Variants in ANO1 observed in about 807,000 individuals in gnomAD.
The protein encoded by ANO1 is anoctamin-1.
Under a neutral mutation model 124.0 loss-of-function variants are expected in ANO1, and 59 were observed. That is an observed-to-expected ratio of 0.48 (90% CI 0.39 to 0.59). The LOEUF is 0.59. ANO1 is among the 20% of genes least tolerant of loss of function. The pLI, the probability that ANO1 is intolerant of heterozygous loss-of-function variation, is 0.00. For missense variants in ANO1, 1,059 were observed against 1,328.0 expected, an observed-to-expected ratio of 0.80 and a Z score of 3.15; for synonymous variants, 529 against 532.0, an observed-to-expected ratio of 0.99 and a Z score of 0.08.
intron 1 of ANO1, among the ~76,000 whole-genome samples, chr11:70,059,950 C>CTTTTTTTTTTTTT (rs36021561): frequency 2.6e-5 from 2 of 75,540 alleles, no homozygotes; most frequent in Non-Finnish European, 2.4e-5. Flanking sequence ...AGGCGTTGGC[C>CTTTTTTTTTTTTT]TTTTTTTTTT....
intron 1 of ANO1, among the ~76,000 whole-genome samples, chr11:70,022,102 G>A (rs551815306): frequency 6.6e-6 from 1 of 152,224 alleles, no homozygotes; most frequent in South Asian, 2.1e-4. Context: ...AGAAATCCCA[G>A]AGGAAAAAAT....
At chr11:70,126,277 C>T in intron 10 of ANO1, 82 bp downstream of exon 10, 1 of 1,479,406 alleles carries the variant, frequency 6.8e-7, no homozygotes, top group Non-Finnish European at 9.1e-7. Context: ...TTCATTGGGA[C>T]ACTGGCCTCT....
chr11:70,139,582 C>G (rs1031246178), intron 11 of ANO1, among the ~76,000 whole-genome samples: 3 of 152,174 alleles, frequency 2.0e-5, no homozygotes, highest in Admixed American at 6.5e-5. Context: ...CCTCAGCCTC[C>G]CAAAGTGCTG....
intron 1 of ANO1, among the ~76,000 whole-genome samples, chr11:69,990,587 A>T (rs1389654459): frequency 6.6e-6 from 1 of 152,206 alleles, no homozygotes; most frequent in East Asian, 1.9e-4. Context: ...CAATGGCTGC[A>T]CCATTTTACA....
chr11:70,186,695 T>C (rs575620467), intron 25 of ANO1, among the ~76,000 whole-genome samples: 1 of 152,256 alleles, frequency 6.6e-6, no homozygotes, highest in South Asian at 2.1e-4. Flanking sequence ...CCGCCAAGAT[T>C]CTGCTCGCAG....
intron 11 of ANO1, among the ~76,000 whole-genome samples, chr11:70,147,942 G>A (rs1453644618): frequency 5.9e-5 from 9 of 152,132 alleles, no homozygotes; most frequent in African/African-American, 1.7e-4. Context: ...AAGTTACTCC[G>A]CTATGAAAAG....
chr11:69,978,979 G>A, the ANO1 span, among the ~76,000 whole-genome samples: 112 of 152,236 alleles, frequency 7.4e-4, 1 homozygote, highest in African/African-American at 2.7e-3. Flanking sequence ...ATCATATATT[G>A]AGTGTAAATA....
chr11:69,992,480 C>A (rs2120308956), intron 1 of ANO1, among the ~76,000 whole-genome samples: 1 of 152,168 alleles, frequency 6.6e-6, no homozygotes, highest in East Asian at 1.9e-4. Flanking sequence ...TTTCCCACCT[C>A]CAAGAGTGTT....
chr11:70,047,926 T>C (rs1380470975), intron 1 of ANO1, among the ~76,000 whole-genome samples: 1 of 152,208 alleles, frequency 6.6e-6, no homozygotes, highest in African/African-American at 2.4e-5. Context: ...AATTGTATCG[T>C]TGTGGAATGA....
chr11:70,131,303 ATGTGTGTGTGTGTGTG>A (rs58686061), intron 10 of ANO1, among the ~76,000 whole-genome samples: 2 of 149,014 alleles, frequency 1.3e-5, no homozygotes, highest in African/African-American at 2.5e-5. Context: ...TCAAAAATCA[ATGTGTGTGTGTGTGTG>A]TGTGTGTGTG....
At chr11:70,082,891 C>A (rs2044246335) in intron 1 of ANO1, among the ~76,000 whole-genome samples, 1 of 152,180 alleles carries the variant, frequency 6.6e-6, no homozygotes, top group Non-Finnish European at 1.5e-5. Context: ...AGCCTCCCAG[C>A]CTTTTAGAGT....
At chr11:69,982,966 C>T (rs1320546047), upstream of ANO1, among the ~76,000 whole-genome samples, 2 of 152,146 alleles carry the variant, frequency 1.3e-5, no homozygotes, top group Non-Finnish European at 2.9e-5. Context: ...GACAATCTAT[C>T]CTGTCCTGAG....
At chr11:70,125,770 G>A (rs1251526872) in intron 9 of ANO1, among the ~76,000 whole-genome samples, 2 of 149,396 alleles carry the variant, frequency 1.3e-5, no homozygotes, top group Middle Eastern at 3.5e-3. Flanking sequence ...CGTGAACGCG[G>A]GAGGTGGAGC....
chr11:70,110,736 G>A (rs2135402654), intron 6 of ANO1, among the ~76,000 whole-genome samples: 1 of 152,300 alleles, frequency 6.6e-6, no homozygotes, highest in East Asian at 1.9e-4. Context: ...AGCCTCTTCA[G>A]CCAAGCAGGG....
intron 11 of ANO1, among the ~76,000 whole-genome samples, chr11:70,137,597 G>C (rs184253331): frequency 1.4e-5 from 2 of 145,824 alleles, no homozygotes; most frequent in East Asian, 4.1e-4. Flanking sequence ...AGCGGGGCCC[G>C]GCCTGCCCTG....
intron 1 of ANO1, among the ~76,000 whole-genome samples, chr11:70,007,401 C>A (rs1329158674): frequency 6.6e-6 from 1 of 151,890 alleles, no homozygotes. Context: ...CTCAGCCTCC[C>A]GAGTAGCTGG....
chr11:69,982,914 A>G (rs1491001669), upstream of ANO1, among the ~76,000 whole-genome samples: 7 of 152,102 alleles, frequency 4.6e-5, no homozygotes, highest in African/African-American at 1.7e-4. Context: ...GTGGCCTTGT[A>G]TGTGTTCTGA....
upstream of ANO1, among the ~76,000 whole-genome samples, chr11:70,076,915 C>A (rs1263095416): frequency 6.6e-6 from 1 of 151,540 alleles, no homozygotes; most frequent in African/African-American, 2.4e-5. Flanking sequence ...CTAAGCCTGG[C>A]AGCTTCAGGC....
intron 16 of ANO1, among the ~76,000 whole-genome samples, chr11:70,159,984 C>T (rs757759456): frequency 4.6e-5 from 7 of 152,064 alleles, no homozygotes; most frequent in Non-Finnish European, 5.9e-5. Context: ...CCGGTGGTAA[C>T]GGCCCAGAAC....
Sources: allele counts gnomAD v4.1 joint callset (sites outside exome capture counted in the v4.1 genomes callset), GRCh38; gene constraint gnomAD v4.1.1; transcripts MANE v1.5; gene names NCBI Gene and HGNC (gene_info 2026-07-23, HGNC 2026-07-21).